Variants in MEI4 observed in about 807,000 individuals in gnomAD.
MEI4 encodes the protein meiotic double-stranded break formation protein 4, also known as meiosis-specific protein MEI4.
Under a neutral mutation model 31.4 loss-of-function variants are expected in MEI4, and 27 were observed. That is an observed-to-expected ratio of 0.86 (90% confidence interval 0.63 to 1.19). MEI4 has a LOEUF of 1.19. Ranked by LOEUF, MEI4 falls within the 50% of genes most tolerant of loss-of-function variation. The pLI is 0.00. For synonymous variants in MEI4, 122 were observed against 145.4 expected, an observed-to-expected ratio of 0.84 and a Z score of 1.16; for missense variants, 329 against 398.9, an observed-to-expected ratio of 0.82 and a Z score of 1.49.
chr6:77,710,536 AAAAAAAG>A (rs1435373992), intron 2 of MEI4, among the ~76,000 whole-genome samples: 178 of 149,368 alleles, frequency 1.2e-3, no homozygotes, highest in African/African-American at 4.1e-3. Flanking sequence ...AAAAAAAAAA[AAAAAAAG>A]AAAAGGTAAA....
chr6:77,831,545 T>C (rs909580771), intron 4 of MEI4, among the ~76,000 whole-genome samples: 1 of 150,994 alleles, frequency 6.6e-6, no homozygotes, highest in Non-Finnish European at 1.5e-5. Flanking sequence ...AATATTCCTC[T>C]CTCTCTATAT....
intron 2 of MEI4, among the ~76,000 whole-genome samples, chr6:77,713,827 T>C (rs1340708140): frequency 6.6e-6 from 1 of 152,194 alleles, no homozygotes; most frequent in African/African-American, 2.4e-5. Context: ...ATTTCTGTCA[T>C]CTGTTAAACA....
Position 77,772,688 on chromosome 6 carries a change from G to T in MEI4, c.768+11023G>T, listed in dbSNP as rs140027932. Among the ~76,000 whole-genome samples, 213 of 151,968 alleles carry T rather than the reference G, an allele frequency of 1.4e-3. 1 individual carries two copies. Among genetic ancestry groups the T allele is most frequent in the African/African-American group, 4.5e-3 (187 of 41,508 alleles). On this transcript the variant is annotated intron_variant, in intron 3 of 4. Coordinates refer to ENST00000684080, the MANE Select transcript of MEI4 (RefSeq NM_001322247.2). ...CAACAAGGATATGCACTTCAACATAGTATTGGAAATTCTAGCTAGAACAAT... is the reference window on the plus strand; with the variant it reads ...CAACAAGGATATGCACTTCAACATATTATTGGAAATTCTAGCTAGAACAAT...
intron 4 of MEI4, among the ~76,000 whole-genome samples, chr6:77,858,532 T>A (rs921746115): frequency 1.3e-5 from 2 of 152,150 alleles, no homozygotes; most frequent in African/African-American, 4.8e-5. Context: ...TAATTCATGA[T>A]CCTGCTATAT....
intron 4 of MEI4, among the ~76,000 whole-genome samples, chr6:77,862,346 A>C (rs946331169): frequency 2.6e-5 from 4 of 152,210 alleles, no homozygotes; most frequent in Admixed American, 2.6e-4. Flanking sequence ...AGTGACAGAC[A>C]ACACCTGGAA....
At chr6:77,897,739 G>A (rs944677389) in intron 4 of MEI4, among the ~76,000 whole-genome samples, 10 of 151,918 alleles carry the variant, frequency 6.6e-5, no homozygotes, top group African/African-American at 2.4e-4. Flanking sequence ...AAGCAAAATG[G>A]ATTAATACTT....
At chr6:77,734,203 A>G (rs947071302) in intron 2 of MEI4, among the ~76,000 whole-genome samples, 2 of 151,966 alleles carry the variant, frequency 1.3e-5, no homozygotes, top group African/African-American at 4.8e-5. Context: ...CTGTCTCATG[A>G]TCTGTCTAAT....
intron 4 of MEI4, among the ~76,000 whole-genome samples, chr6:77,902,251 T>C (rs183356429): frequency 2.0e-5 from 3 of 152,252 alleles, no homozygotes; most frequent in Admixed American, 1.3e-4. Flanking sequence ...ACAAAATTCA[T>C]TGGAATTTTG....
chr6:77,868,516 T>TATATATATATATATATATATATATAC (rs375883143), intron 4 of MEI4, among the ~76,000 whole-genome samples: 5 of 133,786 alleles, frequency 3.7e-5, no homozygotes, highest in African/African-American at 5.6e-5. Context: ...TATATATATA[T>TATATATATATATATATATATATATAC]ATATATATAT....
chr6:77,778,706 C>CAAATAAATAAATAAAT (rs71546067), intron 3 of MEI4, among the ~76,000 whole-genome samples: 1 of 145,688 alleles, frequency 6.9e-6, no homozygotes, highest in South Asian at 2.2e-4. Flanking sequence ...GACCCTGTCT[C>CAAATAAATAAATAAAT]AAATAAATAA....
chr6:77,856,025 TTTC>T (rs1283671220), intron 4 of MEI4, among the ~76,000 whole-genome samples: 1 of 152,084 alleles, frequency 6.6e-6, no homozygotes, highest in African/African-American at 2.4e-5. Context: ...CTAATAAAAT[TTTC>T]TTCTTCTGGT....
intron 3 of MEI4, among the ~76,000 whole-genome samples, chr6:77,793,987 C>A (rs972522388): frequency 5.9e-5 from 9 of 152,158 alleles, no homozygotes; most frequent in Non-Finnish European, 1.2e-4. Context: ...AATCAAAAGA[C>A]ACAGACTGGA....
At chr6:77,773,278 C>T (rs1768360896) in intron 3 of MEI4, among the ~76,000 whole-genome samples, 1 of 151,826 alleles carries the variant, frequency 6.6e-6, no homozygotes, top group Non-Finnish European at 1.5e-5. Flanking sequence ...AATCACATTA[C>T]CACTATACTG....
chr6:77,787,260 G>T lies in MEI4; in HGVS notation c.768+25595G>T, dbSNP rs151209956. Among the ~76,000 whole-genome samples the T allele has an allele frequency of 2.1e-3, 327 of 152,230 alleles. 3 individuals are homozygous for T. Among genetic ancestry groups the T allele is most frequent in the African/African-American group, 6.8e-3 (283 of 41,550 alleles). On this transcript the variant is annotated intron_variant, in intron 3 of 4. Transcript: ENST00000684080. ...ATAGCAGCAGCCCTCCCAGAGACCC[G>T]CAGGAAGGCCACATTCATCTGTGCA...
intron 2 of MEI4, among the ~76,000 whole-genome samples, chr6:77,691,365 TG>T (rs1769153207): frequency 6.6e-6 from 1 of 151,992 alleles, no homozygotes; most frequent in Non-Finnish European, 1.5e-5. Context: ...TTAACCTAGT[TG>T]TGATACATAC....
upstream of MEI4, among the ~76,000 whole-genome samples, chr6:77,652,306 A>G (rs769147456): frequency 1.4e-4 from 22 of 152,234 alleles, no homozygotes; most frequent in Non-Finnish European, 5.9e-5. Flanking sequence ...TGCTGAAGTC[A>G]GAGAGCAAAG....
chr6:77,916,176 T>C (rs1476511386), intron 4 of MEI4, among the ~76,000 whole-genome samples: 1 of 152,132 alleles, frequency 6.6e-6, no homozygotes, highest in East Asian at 1.9e-4. Flanking sequence ...TTCTGATTTC[T>C]TTGTATTGTC....
At chr6:77,653,681 C>T (rs1267112951) in intron 1 of MEI4, among the ~76,000 whole-genome samples, 1 of 152,100 alleles carries the variant, frequency 6.6e-6, no homozygotes, top group Non-Finnish European at 1.5e-5. Context: ...TGGAAGAACT[C>T]TGATCTATCA....
rs575369997 is a variant in MEI4 at position 77,906,424 on chromosome 6, A to G, written c.901-16665A>G. On this transcript the variant is annotated intron_variant, in intron 4 of 4. Coordinates refer to ENST00000684080, the MANE Select transcript of MEI4 (RefSeq NM_001322247.2). ...AAGGGCAAAGTTGCATAGTCTCTGT[A>G]TAGTTCTATCAACTGATGTCAAGGT... Among the ~76,000 whole-genome samples, 5 of 147,784 alleles carry G rather than the reference A, an allele frequency of 3.4e-5. No individual in the cohort carries two copies. The East Asian group carries it at 7.1e-4, about 21-fold the overall frequency.
Sources: gnomAD v4.1 joint callset for allele counts (sites outside exome capture counted in the v4.1 genomes callset) on GRCh38, gnomAD v4.1.1 for gene constraint, MANE v1.5 for transcripts, NCBI Gene and HGNC (gene_info 2026-07-23, HGNC 2026-07-21) for gene names.